The following SLC39A10 variants were observed in gnomAD, a reference collection of about 807,000 sequenced individuals.
SLC39A10 encodes the protein zinc transporter ZIP10.
A neutral mutation model predicts 65.1 loss-of-function variants in SLC39A10; 13 were observed. That is an observed-to-expected ratio of 0.20 (90% CI 0.13 to 0.32). The LOEUF is 0.32. Among genes scored for constraint, SLC39A10 ranks in the 10% least tolerant of loss-of-function variants. The pLI is 1.00. For synonymous variants in SLC39A10, 321 were observed against 342.2 expected (o/e 0.94, Z 0.68); for missense variants, 831 against 1,018.4 (o/e 0.82, Z 2.50).
chr2:195,719,382 A>T (rs1443646181), intron 8 of SLC39A10, among the ~76,000 whole-genome samples: 2 of 152,146 alleles, frequency 1.3e-5, no homozygotes, highest in Non-Finnish European at 2.9e-5. Context: ...CTTTCGCCAC[A>T]TTTTACATAT....
intron 2 of SLC39A10, among the ~76,000 whole-genome samples, chr2:195,650,734 C>G (rs1045705244): frequency 5.3e-5 from 8 of 152,014 alleles, no homozygotes; most frequent in African/African-American, 1.9e-4. Context: ...TAGCCTGAAA[C>G]TCGGTTTTAT....
intron 2 of SLC39A10, among the ~76,000 whole-genome samples, chr2:195,683,439 C>A (rs1046060924): frequency 1.3e-5 from 2 of 151,876 alleles, no homozygotes; most frequent in African/African-American, 2.4e-5. Flanking sequence ...TGTGAGTCAT[C>A]CTTATCCATG....
intron 1 of SLC39A10, among the ~76,000 whole-genome samples, chr2:195,671,452 T>C (rs62203605): frequency 0.087 from 13,190 of 152,258 alleles, 631 homozygotes; most frequent in African/African-American, 0.11. Flanking sequence ...AACTCTTCAG[T>C]AGATGTAACT....
chr2:195,677,749 ATTTT>A (rs58648222), intron 1 of SLC39A10, among the ~76,000 whole-genome samples: 1 of 119,052 alleles, frequency 8.4e-6, no homozygotes, highest in Non-Finnish European at 1.7e-5. Context: ...CTTTTATCAG[ATTTT>A]TTTTTTTTTT....
At chr2:195,657,510 T>C in intron 1 of SLC39A10, 2 of 985,412 alleles carry the variant, frequency 2.0e-6, no homozygotes, top group South Asian at 4.7e-5. Flanking sequence ...GCGCCGCGGC[T>C]CCTCGTGTGC....
At chr2:195,682,337 T>C (rs1690355759) in intron 2 of SLC39A10, among the ~76,000 whole-genome samples, 1 of 152,222 alleles carries the variant, frequency 6.6e-6, no homozygotes. Flanking sequence ...TCTTTGTGTT[T>C]CTTCCCTTGA....
chr2:195,713,420 T>C lies in SLC39A10; in HGVS notation c.1576-13T>C. On this transcript the variant is annotated splice_polypyrimidine_tract_variant and intron_variant, in intron 5 of 9. Coordinates refer to ENST00000359634, the MANE Select transcript of SLC39A10 (RefSeq NM_020342.3). ...TATACTAATATCAGATACTATTTTT[T>C]TTCTTTTTTTAGGGAAAACAGAAAT... is the stretch of plus-strand genomic sequence containing the variant. 1 of 1,530,044 alleles carries C rather than the reference T, an allele frequency of 6.5e-7. No homozygotes were observed. The highest frequency in any genetic ancestry group is 8.8e-7 in the Non-Finnish European group (1 of 1,142,436). The allele number at this position is 1,530,044 out of a possible 1,614,324, so 94.8% of individuals were successfully genotyped here.
chr2:195,670,916 A>C (rs919201746), intron 1 of SLC39A10, among the ~76,000 whole-genome samples: 9 of 152,238 alleles, frequency 5.9e-5, no homozygotes, highest in African/African-American at 2.2e-4. Context: ...GTGGGGAATA[A>C]AAATTAAGTT....
chr2:195,617,709 C>CTTTTATTTTA (rs1452108690), intron 2 of SLC39A10, among the ~76,000 whole-genome samples: 98 of 143,912 alleles, frequency 6.8e-4, no homozygotes, highest in African/African-American at 2.4e-3. Flanking sequence ...TGTTTCTTTT[C>CTTTTATTTTA]TTTTCTTTTC....
At chr2:195,639,201 CT>C (rs112809934) in intron 2 of SLC39A10, among the ~76,000 whole-genome samples, 7 of 152,308 alleles carry the variant, frequency 4.6e-5, no homozygotes, top group African/African-American at 1.4e-4. Context: ...ATCCTCCCAC[CT>C]TGGCCTCCCA....
At chr2:195,688,329 G>A (rs181892502) in intron 3 of SLC39A10, among the ~76,000 whole-genome samples, 5 of 151,900 alleles carry the variant, frequency 3.3e-5, no homozygotes, top group African/African-American at 1.2e-4. Context: ...TTTTTCCTAC[G>A]TGTAGGAAAT....
In SLC39A10 at chr2:195,735,017, A is replaced by C; in HGVS notation, c.2472A>C (p.Lys824Asn). Reference protein sequence around the residue: ...IMLVIALYEDKIVFDIQF With the variant: ...IMLVIALYEDNIVFDIQF ...TGGTGATTGCCCTCTATGAAGATAA[A>C]ATTGTGTTTGACATCCAGTTTTGAC... Residue 824 changes from lysine (K) to asparagine (N), a missense_variant, in exon 10 of 10, where the codon AAA (lysine) becomes AAC (asparagine). Lys to Asn is a moderately conservative substitution (Grantham distance 94). Transcript: ENST00000359634. 6.2e-7 allele frequency: 1 copy of C among 1,610,228 alleles called. No homozygotes were observed. Among genetic ancestry groups the C allele is most frequent in the Non-Finnish European group, 8.5e-7 (1 of 1,178,988 alleles).
At chr2:195,633,664 G>A (rs771327287) in intron 2 of SLC39A10, among the ~76,000 whole-genome samples, 1 of 152,162 alleles carries the variant, frequency 6.6e-6, no homozygotes, top group Non-Finnish European at 1.5e-5. Context: ...AGCGGGAAGA[G>A]GAGCTGGAAA....
In SLC39A10 at chr2:195,680,786, A is replaced by C; in HGVS notation, c.744A>C (p.Thr248=). The change falls in exon 2 of 10, where the codon ACA becomes ACC. Residue 248 remains threonine (T), a synonymous_variant. Coordinates refer to ENST00000359634, the MANE Select transcript of SLC39A10 (RefSeq NM_020342.3). The stretch of plus-strand genomic sequence containing the variant: ...GTAATGAAAATTCTGAGGTTATTAC[A>C]CCAGGTTTTCCCCCTAACCATGATC... ...RKSNENSEVI[T]PGFPPNHDQG... 1 of 1,614,142 alleles carries C rather than the reference A, an allele frequency of 6.2e-7. No homozygotes were observed. The highest frequency in any genetic ancestry group is 8.5e-7 in the Non-Finnish European group (1 of 1,180,012).
At chr2:195,657,657 GGGCGGGTGGC>G (rs1351519611) in intron 1 of SLC39A10, 3 of 983,722 alleles carry the variant, frequency 3.0e-6, no homozygotes, top group Non-Finnish European at 3.6e-6. Context: ...AGTGACCGCT[GGGCGGGTGGC>G]GGCGGTTAGG....
chr2:195,715,099 T>G (rs1018786279), intron 6 of SLC39A10, among the ~76,000 whole-genome samples: 2 of 152,176 alleles, frequency 1.3e-5, no homozygotes, highest in African/African-American at 4.8e-5. Context: ...TGATTATATT[T>G]TAATTAAAAA....
At chr2:195,662,011 C>T (rs1278404746) in intron 1 of SLC39A10, among the ~76,000 whole-genome samples, 1 of 152,052 alleles carries the variant, frequency 6.6e-6, no homozygotes, top group African/African-American at 2.4e-5. Flanking sequence ...ACAGCCCATC[C>T]CGTTAAGATT....
At chr2:195,630,657 T>C (rs1688567439) in intron 2 of SLC39A10, among the ~76,000 whole-genome samples, 1 of 152,202 alleles carries the variant, frequency 6.6e-6, no homozygotes, top group South Asian at 2.1e-4. Context: ...GCAATGGTAG[T>C]TATGAACCGG....
At chr2:195,649,013 T>G (rs549698164) in intron 2 of SLC39A10, among the ~76,000 whole-genome samples, 1 of 152,292 alleles carries the variant, frequency 6.6e-6, no homozygotes, top group Non-Finnish European at 1.5e-5. Context: ...TTGGAGGCTG[T>G]AGGTGAGATC....
Sources: allele counts gnomAD v4.1 joint callset (sites outside exome capture counted in the v4.1 genomes callset), GRCh38; gene constraint gnomAD v4.1.1; transcripts MANE v1.5; gene names NCBI Gene and HGNC (gene_info 2026-07-23, HGNC 2026-07-21).